ZNF385D: variants seen among roughly 807,000 people sequenced by gnomAD.
The protein encoded by ZNF385D is zinc finger protein 385D.
ZNF385D carries 15 observed loss-of-function variants against 35.8 expected under a neutral mutation model. The ratio of observed to expected loss-of-function variants is 0.42; its 90% confidence interval spans 0.28 to 0.64. The LOEUF is 0.64. Ranked by LOEUF, ZNF385D falls within the 30% of genes least tolerant of loss-of-function variation. ZNF385D has a pLI of 0.23. For synonymous variants in ZNF385D, 212 were observed against 186.8 expected (o/e 1.13, Z -1.10); for missense variants, 474 against 494.6 (o/e 0.96, Z 0.39).
chr3:21,928,659 A>G (rs1250099873), intron 3 of ZNF385D, among the ~76,000 whole-genome samples: 1 of 152,154 alleles, frequency 6.6e-6, no homozygotes, highest in Non-Finnish European at 1.5e-5. Context: ...TCAGAGGGGG[A>G]CAGCAACACA....
At chr3:21,985,745 C>A (rs1694766960) in intron 3 of ZNF385D, among the ~76,000 whole-genome samples, 1 of 113,056 alleles carries the variant, frequency 8.8e-6, no homozygotes, top group Admixed American at 8.3e-5. Flanking sequence ...AGGAATGGTA[C>A]CAGTTCCTCC....
At chr3:22,043,647 A>G (rs925723260) in intron 3 of ZNF385D, among the ~76,000 whole-genome samples, 36 of 151,850 alleles carry the variant, frequency 2.4e-4, no homozygotes, top group African/African-American at 8.5e-4. Context: ...AGGGTAGGTA[A>G]CTTCCGAGAT....
chr3:22,142,992 C>T lies in ZNF385D; in HGVS notation c.325+25825G>A, dbSNP rs191423164. Among the ~76,000 whole-genome samples, 46 of 151,488 alleles carry T rather than the reference C, an allele frequency of 3.0e-4. 1 individual carries two copies. Among genetic ancestry groups the T allele is most frequent in the Middle Eastern group, 6.8e-3 (2 of 294 alleles). ...AGTTTGAATGAGTCATTTGTTTCCT[C>T]TGGGGTCATGAATGACAATAATAAT... On this transcript the variant is annotated intron_variant, in intron 3 of 5. Coordinates refer to the ZNF385D transcript ENST00000494108.
chr3:21,457,633 C>A (rs2125301990), intron 4 of ZNF385D, among the ~76,000 whole-genome samples: 1 of 152,156 alleles, frequency 6.6e-6, no homozygotes, highest in South Asian at 2.1e-4. Flanking sequence ...GGATTACAGG[C>A]TTAAGCCACC....
At position 21,842,631 on chromosome 3, in the gene ZNF385D, A is replaced by C. The variant is rs1248740719; in HGVS notation, c.326-177603T>G. Among the ~76,000 whole-genome samples, 4 of 151,994 alleles carry C rather than the reference A, an allele frequency of 2.6e-5. No homozygotes were observed. In the East Asian group the frequency reaches 7.7e-4, roughly 29 times the overall value. ...GGTCTGAGGATGTGAATTTATATCC[A>C]AATTTCTGTTTTCCAGTTGTAAAAC... On this transcript the variant is annotated intron_variant, in intron 3 of 5. Coordinates refer to the ZNF385D transcript ENST00000494108.
intron 2 of ZNF385D, among the ~76,000 whole-genome samples, chr3:22,361,798 G>C (rs751437644): frequency 1.3e-5 from 2 of 151,846 alleles, no homozygotes; most frequent in Non-Finnish European, 2.9e-5. Context: ...GAAATCACTT[G>C]ACCTTTCTTA....
intron 2 of ZNF385D, among the ~76,000 whole-genome samples, chr3:22,217,538 C>T (rs1230345988): frequency 6.6e-6 from 1 of 152,148 alleles, no homozygotes; most frequent in Non-Finnish European, 1.5e-5. Context: ...TTTTGAAGTA[C>T]TGGATGTTGG....
chr3:21,511,720 A>C (rs1173575413), intron 3 of ZNF385D: 1 of 456,518 alleles, frequency 2.2e-6, no homozygotes, highest in Non-Finnish European at 4.4e-6. Flanking sequence ...TGTTTGTACT[A>C]CCTAATGGGG....
chr3:21,464,758 A>ACACACACACACACACACACACACT (rs1265231237), intron 4 of ZNF385D, among the ~76,000 whole-genome samples: 11 of 152,152 alleles, frequency 7.2e-5, no homozygotes, highest in African/African-American at 1.7e-4. Context: ...ACACACACAC[A>ACACACACACACACACACACACACT]CTTATGCAAC....
At position 22,093,014 on chromosome 3, in the gene ZNF385D, C is replaced by A. The variant is rs17010761; in HGVS notation, c.325+75803G>T. On this transcript the variant is annotated intron_variant, in intron 3 of 5. Transcript: ENST00000494108. ...TCAAAACTTAGCTGAGCCCAGCATC[C>A]AGGAGCAGGAAGGTCATAGCTCCCA... Among the ~76,000 whole-genome samples the A allele has an allele frequency of 2.8e-4, 42 of 152,108 alleles. No individual in the cohort carries two copies. The East Asian group carries it at 7.9e-3, about 29-fold the overall frequency.
chr3:21,841,085 G>C (rs1441978137), intron 3 of ZNF385D, among the ~76,000 whole-genome samples: 1 of 151,956 alleles, frequency 6.6e-6, no homozygotes, highest in Non-Finnish European at 1.5e-5. Context: ...CATGAGAAAA[G>C]AATCGTCAAA....
chr3:22,240,226 C>G (rs1340798324), intron 2 of ZNF385D, among the ~76,000 whole-genome samples: 1 of 148,218 alleles, frequency 6.7e-6, no homozygotes, highest in Non-Finnish European at 1.5e-5. Context: ...CTGGCTCCAC[C>G]AAAAAGTCAT....
intron 3 of ZNF385D, among the ~76,000 whole-genome samples, chr3:21,945,221 AAG>A (rs1207005389): frequency 2.0e-5 from 3 of 151,722 alleles, no homozygotes; most frequent in South Asian, 4.2e-4. Flanking sequence ...GAAAGAGAGA[AAG>A]AGACAGAGAG....
At chr3:21,514,149 T>C (rs368254635) in intron 3 of ZNF385D, among the ~76,000 whole-genome samples, 48 of 152,284 alleles carry the variant, frequency 3.2e-4, no homozygotes, top group African/African-American at 1.0e-3. Flanking sequence ...TACCATATAC[T>C]AGCACAACAA....
chr3:21,865,488 A>G (rs1285844579), intron 3 of ZNF385D, among the ~76,000 whole-genome samples: 1 of 152,132 alleles, frequency 6.6e-6, no homozygotes, highest in Non-Finnish European at 1.5e-5. Flanking sequence ...TTTATCACCA[A>G]CACTGCTATC....
At position 21,914,707 on chromosome 3, in the gene ZNF385D, T is replaced by C. The variant is rs576960207; in HGVS notation, c.326-249679A>G. Among the ~76,000 whole-genome samples, 4 of 152,136 alleles carry C rather than the reference T, an allele frequency of 2.6e-5. No individual in the cohort carries two copies. In the South Asian group the frequency reaches 6.2e-4, roughly 24 times the overall value. On this transcript the variant is annotated intron_variant, in intron 3 of 5. Transcript: ENST00000494108. ...CATTGCTGCTGAAAAGGAAGTGAAA[T>C]ATAAAATTATGAATGTGCAGCATCT...
At chr3:22,238,694 G>T (rs1041413348) in intron 2 of ZNF385D, among the ~76,000 whole-genome samples, 1 of 150,598 alleles carries the variant, frequency 6.6e-6, no homozygotes, top group Non-Finnish European at 1.5e-5. Context: ...GTATGTATTT[G>T]TGTGTATATG....
chr3:21,913,784 T>C (rs191560242), intron 3 of ZNF385D, among the ~76,000 whole-genome samples: 39 of 152,190 alleles, frequency 2.6e-4, no homozygotes, highest in Admixed American at 1.4e-3. Context: ...TCGGCAGCCA[T>C]CCTCCCACCC....
chr3:22,124,655 C>T (rs1234236178), intron 3 of ZNF385D, among the ~76,000 whole-genome samples: 1 of 152,070 alleles, frequency 6.6e-6, no homozygotes, highest in Non-Finnish European at 1.5e-5. Flanking sequence ...TTTGGATTTG[C>T]ATTTCTCTGA....
Sources: allele counts gnomAD v4.1 joint callset (sites outside exome capture counted in the v4.1 genomes callset), GRCh38; gene constraint gnomAD v4.1.1; transcripts MANE v1.5; gene names NCBI Gene and HGNC (gene_info 2026-07-23, HGNC 2026-07-21).